The following WWOX variants were observed in gnomAD, a reference collection of about 807,000 sequenced individuals.
The protein encoded by WWOX is WW domain containing oxidoreductase, also known as WW domain-containing oxidoreductase.
WWOX carries 69 observed loss-of-function variants against 46.2 expected under a neutral mutation model. The ratio of observed to expected loss-of-function variants is 1.49; its 90% confidence interval spans 1.23 to 1.82. The LOEUF is 1.82. Ranked by LOEUF, WWOX falls within the 40% of genes most tolerant of loss-of-function variation. The pLI, the probability that WWOX is intolerant of heterozygous loss-of-function variation, is 0.00. For missense variants in WWOX, 919 were observed against 542.6 expected (o/e 1.69, Z -6.89); for synonymous variants, 359 against 202.6 (o/e 1.77, Z -6.56).
rs187476787 is a variant in WWOX at position 78,853,029 on chromosome 16, G to A, written c.1057-358579G>A. On this transcript the variant is annotated intron_variant, in intron 8 of 8. Coordinates refer to ENST00000566780, the MANE Select transcript of WWOX (RefSeq NM_016373.4). ...CGGGGTCATACAGATAATTAGTAATGTCTTATCTCAGTTTTCTTATCTGCA... is the reference window on the plus strand; with the variant it reads ...CGGGGTCATACAGATAATTAGTAATATCTTATCTCAGTTTTCTTATCTGCA... Among the ~76,000 whole-genome samples, 238 of 152,248 alleles carry A rather than the reference G, an allele frequency of 1.6e-3. 1 individual carries two copies. The highest frequency in any genetic ancestry group is 5.6e-3 in the African/African-American group (234 of 41,562).
intron 8 of WWOX, among the ~76,000 whole-genome samples, chr16:78,554,218 G>T (rs1294738979): frequency 6.6e-6 from 1 of 152,148 alleles, no homozygotes; most frequent in East Asian, 1.9e-4. Context: ...GTGGCCAGAT[G>T]CATGTGGACA....
At chr16:78,907,623 T>G (rs942649880) in intron 8 of WWOX, among the ~76,000 whole-genome samples, 2 of 152,174 alleles carry the variant, frequency 1.3e-5, no homozygotes, top group East Asian at 3.9e-4. Flanking sequence ...TTAGATCAGA[T>G]CTCTTTCACG....
chr16:78,650,353 A>C (rs1016019789), intron 8 of WWOX, among the ~76,000 whole-genome samples: 1 of 152,190 alleles, frequency 6.6e-6, no homozygotes, highest in Non-Finnish European at 1.5e-5. Flanking sequence ...TTTCTCTCTT[A>C]AATTCCATAA....
At chr16:78,325,300 T>C (rs2038328238) in intron 5 of WWOX, among the ~76,000 whole-genome samples, 1 of 152,262 alleles carries the variant, frequency 6.6e-6, no homozygotes, top group South Asian at 2.1e-4. Flanking sequence ...TTTATGACTT[T>C]ATAAATACTC....
chr16:78,662,776 C>T lies in WWOX; in HGVS notation c.1056+230024C>T, dbSNP rs911209080. On this transcript the variant is annotated intron_variant, in intron 8 of 8. Transcript: ENST00000566780. ...CACTTCCAAGCTGCACAGTTGTTGG[C>T]AAGATGTAGTGTTTTGGTGGTTCCT... 3.9e-5 allele frequency among the ~76,000 whole-genome samples: 6 copies of T among 152,100 alleles called. No individual in the cohort carries two copies. The East Asian group carries it at 7.7e-4, about 20-fold the overall frequency.
chr16:78,224,724 G>C (rs545355434), intron 5 of WWOX, among the ~76,000 whole-genome samples: 3 of 152,148 alleles, frequency 2.0e-5, no homozygotes, highest in South Asian at 4.1e-4. Flanking sequence ...TTGCCAAATT[G>C]CTTTCTTGAA....
intron 5 of WWOX, among the ~76,000 whole-genome samples, chr16:78,282,903 A>C (rs1192535406): frequency 1.4e-5 from 2 of 145,024 alleles, no homozygotes; most frequent in Admixed American, 6.8e-5. Flanking sequence ...AAAAAAAAGG[A>C]CAGGGAAAAT....
chr16:78,583,399 G>C (rs1003344899), intron 8 of WWOX, among the ~76,000 whole-genome samples: 1 of 152,172 alleles, frequency 6.6e-6, no homozygotes, highest in Non-Finnish European at 1.5e-5. Context: ...TCAAGTGTAA[G>C]ATGAGATGCC....
intron 3 of WWOX, among the ~76,000 whole-genome samples, chr16:78,111,150 A>T (rs928118279): frequency 1.3e-5 from 2 of 152,112 alleles, no homozygotes; most frequent in African/African-American, 4.8e-5. Flanking sequence ...TCCCCTAAGC[A>T]TGCCTGTAAC....
chr16:78,102,939 G>T (rs567490895), intron 1 of WWOX, among the ~76,000 whole-genome samples: 14 of 152,266 alleles, frequency 9.2e-5, no homozygotes, highest in Admixed American at 4.6e-4. Flanking sequence ...ACCCGCTTCC[G>T]GCTTCCTAAG....
rs75178669 is a variant in WWOX at position 78,274,141 on chromosome 16, C to G, written c.516+109852C>G. ...CCAAACTGGAATCACATCCTGGTCT[C>G]CCCAAACACTGCTTGCTTTTTGTTC... On this transcript the variant is annotated intron_variant, in intron 5 of 8. Coordinates refer to ENST00000566780, the MANE Select transcript of WWOX (RefSeq NM_016373.4). Among the ~76,000 whole-genome samples the G allele has an allele frequency of 5.4e-3, 821 of 152,238 alleles. 7 individuals carry two copies. The highest frequency in any genetic ancestry group is 0.019 in the African/African-American group (790 of 41,554).
At chr16:78,195,821 C>CAAAAAAAAAAAAAA (rs148609646) in intron 5 of WWOX, among the ~76,000 whole-genome samples, 3 of 76,028 alleles carry the variant, frequency 3.9e-5, no homozygotes, top group African/African-American at 5.3e-5. Flanking sequence ...GACTCTGCCT[C>CAAAAAAAAAAAAAA]AAAAAAAAAA....
chr16:78,291,681 G>T (rs115859199), intron 5 of WWOX, among the ~76,000 whole-genome samples: 2,098 of 152,182 alleles, frequency 0.014, 53 homozygotes, highest in African/African-American at 0.048. Flanking sequence ...GGATTGGCTT[G>T]GCTTTTTATC....
At chr16:78,300,828 C>G (rs2080027040) in intron 5 of WWOX, among the ~76,000 whole-genome samples, 1 of 152,168 alleles carries the variant, frequency 6.6e-6, no homozygotes, top group Non-Finnish European at 1.5e-5. Flanking sequence ...CAGCATATAA[C>G]TTGTAGGTTG....
At chr16:78,375,515 C>A (rs149856968) in intron 5 of WWOX, among the ~76,000 whole-genome samples, 1 of 152,318 alleles carries the variant, frequency 6.6e-6, no homozygotes, top group African/African-American at 2.4e-5. Context: ...GTATTAGAGA[C>A]ACAGATATGA....
intron 1 of WWOX, among the ~76,000 whole-genome samples, chr16:78,105,415 C>T (rs1329789016): frequency 6.6e-6 from 1 of 150,660 alleles, no homozygotes; most frequent in Non-Finnish European, 1.5e-5. Flanking sequence ...GCTGAGATTG[C>T]ACCACTGTAC....
chr16:78,229,511 TAGAG>T lies in WWOX; in HGVS notation c.516+65224_516+65227del, dbSNP rs781002609. Reference sequence around the variant, plus strand: ...GTATATATATTTATCTATATCTATATAGAGATATATATATATATATAAAATAATG... The same window carrying T: ...GTATATATATTTATCTATATCTATATATATATATATATATATAAAATAATG... On this transcript the variant is annotated intron_variant, in intron 5 of 8. Transcript: ENST00000566780. Among the ~76,000 whole-genome samples the T allele has an allele frequency of 5.8e-3, 644 of 111,786 alleles. 9 individuals carry two copies. The highest frequency in any genetic ancestry group is 0.022 in the African/African-American group (617 of 28,322). The allele number at this position is 111,786 out of a possible 152,430, so 73.3% of individuals were successfully genotyped here.
intron 8 of WWOX, among the ~76,000 whole-genome samples, chr16:79,072,754 C>T (rs997273278): frequency 1.3e-5 from 2 of 152,198 alleles, no homozygotes; most frequent in Admixed American, 6.5e-5. Context: ...AGCAATTCTT[C>T]AACTTTGCCT....
At chr16:78,650,262 T>G (rs1559432) in intron 8 of WWOX, among the ~76,000 whole-genome samples, 152,360 of 152,362 alleles carry the variant, frequency 1, 76,179 homozygotes, top group Non-Finnish European at 1. Context: ...TCTTCAGGAC[T>G]TACTTTGAAG....
Sources: gnomAD v4.1 joint callset for allele counts (sites outside exome capture counted in the v4.1 genomes callset) on GRCh38, gnomAD v4.1.1 for gene constraint, MANE v1.5 for transcripts, NCBI Gene and HGNC (gene_info 2026-07-23, HGNC 2026-07-21) for gene names.